The following RIMKLB variants were observed in gnomAD, a reference collection of about 807,000 sequenced individuals.
RIMKLB encodes the protein ribosomal modification protein rimK like family member B.
In RIMKLB, 7 loss-of-function variants were observed where a neutral mutation model predicts 32.0. The ratio of observed to expected loss-of-function variants is 0.22; its 90% CI spans 0.12 to 0.41. The LOEUF (loss-of-function observed/expected upper bound fraction) is 0.41, where lower values mean the gene tolerates loss of function less well. Among genes scored for constraint, RIMKLB ranks in the 10% least tolerant of loss-of-function variants. The pLI is 1.00. For missense variants in RIMKLB, 289 were observed against 498.7 expected, an observed-to-expected ratio of 0.58 and a Z score of 4.00; for synonymous variants, 172 against 185.1, an observed-to-expected ratio of 0.93 and a Z score of 0.57.
At chr12:8,704,028 A>G (rs993639412) in intron 1 of RIMKLB, among the ~76,000 whole-genome samples, 5 of 152,224 alleles carry the variant, frequency 3.3e-5, no homozygotes, top group African/African-American at 9.6e-5. Flanking sequence ...TTAAATTGGA[A>G]TAATAGAAGC....
At chr12:8,745,079 GTGAGAACATGCAGTGT>G (rs544483562) in intron 2 of RIMKLB, among the ~76,000 whole-genome samples, 2 of 151,860 alleles carry the variant, frequency 1.3e-5, no homozygotes, top group Non-Finnish European at 2.9e-5. Flanking sequence ...CCACCTGTGA[GTGAGAACATGCAGTGT>G]TTGGTTTTCT....
intron 5 of RIMKLB, among the ~76,000 whole-genome samples, chr12:8,756,899 C>T (rs975607548): frequency 1.3e-5 from 2 of 151,880 alleles, no homozygotes; most frequent in African/African-American, 4.8e-5. Flanking sequence ...ACCATGTTGA[C>T]CAGGCTGGTC....
chr12:8,728,702 C>T (rs905438974), intron 2 of RIMKLB, among the ~76,000 whole-genome samples: 5 of 152,078 alleles, frequency 3.3e-5, no homozygotes, highest in African/African-American at 1.2e-4. Context: ...ACCTCCACAT[C>T]CCAGGCTCAA....
In RIMKLB at chr12:8,776,426, T is replaced by C. The variant is rs1419589043; in HGVS notation, c.*2642T>C. On this transcript the variant is annotated 3_prime_UTR_variant, in exon 6 of 6. Transcript: ENST00000535829. ...GCAGCAGATATTTAGGTTAAACTTA[T>C]TTTCATAATTGTTTAATAACTTTTG... 5 of 930,574 alleles carry C rather than the reference T, an allele frequency of 5.4e-6. No individual in the cohort carries two copies. Among genetic ancestry groups the C allele is most frequent in the African/African-American group, 1.8e-5 (1 of 56,072 alleles). The allele number at this position is 930,574 out of a possible 1,614,324, so 57.6% of individuals were successfully genotyped here. A position where few individuals can be genotyped will look rare whatever the true frequency, so the allele number is the denominator to read the frequency against.
chr12:8,711,022 A>G (rs1944331074), intron 1 of RIMKLB, among the ~76,000 whole-genome samples: 1 of 151,882 alleles, frequency 6.6e-6, no homozygotes, highest in African/African-American at 2.4e-5. Flanking sequence ...CACGCCTATA[A>G]TTCCATCATT....
upstream of RIMKLB, among the ~76,000 whole-genome samples, chr12:8,678,561 C>T (rs1353434121): frequency 2.0e-5 from 3 of 152,186 alleles, no homozygotes; most frequent in Admixed American, 6.5e-5. Context: ...CTCCCGACTT[C>T]AGGTGATCCG....
chr12:8,712,736 G>A (rs1944479417), intron 1 of RIMKLB, among the ~76,000 whole-genome samples: 1 of 152,206 alleles, frequency 6.6e-6, no homozygotes, highest in Non-Finnish European at 1.5e-5. Context: ...GTGCACTGTG[G>A]AGCAGGCCCT....
intron 1 of RIMKLB, among the ~76,000 whole-genome samples, chr12:8,684,724 G>A (rs1028410560): frequency 1.3e-5 from 2 of 152,158 alleles, no homozygotes; most frequent in Non-Finnish European, 2.9e-5. Context: ...AGGTTCAAGT[G>A]ATTCTCTCAC....
intron 1 of RIMKLB, among the ~76,000 whole-genome samples, chr12:8,702,805 G>T (rs143315150): frequency 1.2e-3 from 176 of 152,292 alleles, no homozygotes; most frequent in African/African-American, 4.1e-3. Context: ...GAGAGTAAAT[G>T]AATAGCTTTC....
intron 1 of RIMKLB, among the ~76,000 whole-genome samples, chr12:8,708,692 C>T (rs966981426): frequency 6.6e-6 from 1 of 152,142 alleles, no homozygotes; most frequent in African/African-American, 2.4e-5. Flanking sequence ...TAAACTATTA[C>T]CTTAGAAAAA....
intron 1 of RIMKLB, among the ~76,000 whole-genome samples, chr12:8,708,567 C>T (rs1350607593): frequency 6.6e-6 from 1 of 152,110 alleles, no homozygotes; most frequent in African/African-American, 2.4e-5. Context: ...TAAGAAACAA[C>T]ACTAAGTTTT....
intron 2 of RIMKLB, among the ~76,000 whole-genome samples, chr12:8,721,344 T>A (rs1945420260): frequency 6.6e-6 from 1 of 152,232 alleles, no homozygotes; most frequent in South Asian, 2.1e-4. Context: ...TCCAACATTT[T>A]ACCCACCGAA....
chr12:8,725,427 G>A (rs10842171), intron 2 of RIMKLB, among the ~76,000 whole-genome samples: 2,985 of 152,220 alleles, frequency 0.02, 49 homozygotes, highest in Non-Finnish European at 0.031. Flanking sequence ...ACAGGTGCAC[G>A]CCAGCACGCG....
At chr12:8,689,610 C>T (rs952969733) in intron 1 of RIMKLB, among the ~76,000 whole-genome samples, 3 of 152,102 alleles carry the variant, frequency 2.0e-5, no homozygotes, top group Non-Finnish European at 2.9e-5. Flanking sequence ...CTCTCTGTCA[C>T]GTTTCCCTGG....
chr12:8,685,195 T>C (rs758345935), intron 1 of RIMKLB, among the ~76,000 whole-genome samples: 3 of 152,354 alleles, frequency 2.0e-5, no homozygotes, highest in Admixed American at 6.5e-5. Context: ...AAAGAAGCCA[T>C]GCTTGCCTTG....
intron 1 of RIMKLB, among the ~76,000 whole-genome samples, chr12:8,703,278 C>T (rs1308727311): frequency 6.6e-6 from 1 of 151,212 alleles, no homozygotes; most frequent in Non-Finnish European, 1.5e-5. Context: ...AGTGAGACTC[C>T]CTCTCAAAAA....
chr12:8,753,751 A>C lies in RIMKLB; in HGVS notation c.494-139A>C, dbSNP rs192302279. On this transcript the variant is annotated intron_variant, in intron 4 of 5. Transcript: ENST00000535829. ...TTTTGTATTATTTCACTGTTAAAAC[A>C]GTTCTAACAAAGAAAACTTAAAAAA... The C allele has an allele frequency of 6.0e-5, 39 of 653,886 alleles. 1 individual carries two copies. The African/African-American group carries it at 6.6e-4, about 11-fold the overall frequency. The allele number at this position is 653,886 out of a possible 1,614,324, so 40.5% of individuals were successfully genotyped here.
At chr12:8,681,095 G>A (rs1337098008), upstream of RIMKLB, among the ~76,000 whole-genome samples, 2 of 151,722 alleles carry the variant, frequency 1.3e-5, no homozygotes, top group African/African-American at 2.4e-5. Context: ...CAAGTAGCTG[G>A]GACTATAGGT....
At chr12:8,714,738 G>A (rs1944663407) in intron 2 of RIMKLB, among the ~76,000 whole-genome samples, 1 of 152,088 alleles carries the variant, frequency 6.6e-6, no homozygotes, top group Non-Finnish European at 1.5e-5. Flanking sequence ...GCTTTTGAAA[G>A]TTTTATGGCT....
Sources: gnomAD v4.1 joint callset for allele counts (sites outside exome capture counted in the v4.1 genomes callset) on GRCh38, gnomAD v4.1.1 for gene constraint, MANE v1.5 for transcripts, NCBI Gene and HGNC (gene_info 2026-07-23, HGNC 2026-07-21) for gene names.